Variants in NRG1 observed in about 807,000 individuals in gnomAD.
The protein encoded by NRG1 is neuregulin 1.
In NRG1, 18 loss-of-function variants were observed where a neutral mutation model predicts 63.8. The observed-to-expected ratio is 0.28, with a 90% confidence interval of 0.19 to 0.42. The LOEUF is 0.42. Among genes scored for constraint, NRG1 ranks in the 10% least tolerant of loss-of-function variants. NRG1 has a pLI of 1.00. For synonymous variants in NRG1, 302 were observed against 301.3 expected, an observed-to-expected ratio of 1.00 and a Z score of -0.02; for missense variants, 762 against 814.7, an observed-to-expected ratio of 0.94 and a Z score of 0.79.
chr8:32,734,852 A>G (rs1003822743), intron 6 of NRG1, among the ~76,000 whole-genome samples: 1 of 152,236 alleles, frequency 6.6e-6, no homozygotes, highest in Non-Finnish European at 1.5e-5. Context: ...TCAGTTGAGC[A>G]GCCATGTACA....
At chr8:31,943,424 G>T (rs1802058620) in intron 1 of NRG1, among the ~76,000 whole-genome samples, 1 of 152,000 alleles carries the variant, frequency 6.6e-6, no homozygotes, top group Non-Finnish European at 1.5e-5. Context: ...AATATTCACT[G>T]GGTACAGTGT....
In NRG1 at chr8:32,614,689, A is replaced by G. The variant is rs984816091; in HGVS notation, c.451+125A>G. On this transcript the variant is annotated intron_variant, in intron 4 of 11. Coordinates refer to ENST00000356819, the Ensembl canonical transcript of NRG1. ...CTCAGCTGCTCTTGTTTTCTGCTTC[A>G]ATATTTTTCTCAACCTTGTTCTGTC... 3 of 846,404 alleles carry G rather than the reference A, an allele frequency of 3.5e-6. No individual in the cohort carries two copies. In the Admixed American group the frequency reaches 6.7e-5, roughly 19 times the overall value. The allele number at this position is 846,404 out of a possible 1,614,324, so 52.4% of individuals were successfully genotyped here. A position where few individuals can be genotyped will look rare whatever the true frequency, so the allele number is the denominator to read the frequency against.
intron 1 of NRG1, among the ~76,000 whole-genome samples, chr8:32,404,293 G>A (rs1205160442): frequency 6.9e-6 from 1 of 145,658 alleles, no homozygotes; most frequent in African/African-American, 2.5e-5. Flanking sequence ...AATCAGGGAA[G>A]GAGGAACCAT....
chr8:31,982,446 C>G (rs990496449), intron 1 of NRG1, among the ~76,000 whole-genome samples: 1 of 151,946 alleles, frequency 6.6e-6, no homozygotes, highest in South Asian at 2.1e-4. Context: ...GGATGAGGAA[C>G]CCAGAAGATA....
intron 1 of NRG1, among the ~76,000 whole-genome samples, chr8:31,798,787 C>T (rs1055799558): frequency 6.6e-6 from 1 of 151,954 alleles, no homozygotes; most frequent in Non-Finnish European, 1.5e-5. Flanking sequence ...ATTGAGAATC[C>T]AGACACAGAT....
At chr8:32,131,323 T>C (rs1834793538) in intron 1 of NRG1, among the ~76,000 whole-genome samples, 1 of 151,988 alleles carries the variant, frequency 6.6e-6, no homozygotes. Context: ...CAGACTAAAA[T>C]GAAGTAGACT....
chr8:32,031,881 T>G (rs1358185605), intron 1 of NRG1, among the ~76,000 whole-genome samples: 1 of 152,162 alleles, frequency 6.6e-6, no homozygotes, highest in Admixed American at 6.5e-5. Context: ...TTTGGGTGGA[T>G]TCCATGTCTT....
In NRG1 at chr8:31,819,380, G is replaced by C. The variant is rs1823786431; in HGVS notation, c.37+179949G>C. 2.0e-5 allele frequency among the ~76,000 whole-genome samples: 3 copies of C among 152,286 alleles called. No homozygotes were observed. In the South Asian group the frequency reaches 6.2e-4, roughly 32 times the overall value. ...AAACTCCTAGACTCTGTATGGTATA[G>C]GAGTTCAACACTATAGGTTGGTCTA... is the stretch of plus-strand genomic sequence containing the variant. On this transcript the variant is annotated intron_variant, in intron 1 of 10. Coordinates refer to the NRG1 transcript ENST00000519301.
At chr8:32,459,089 G>A (rs1430883571) in intron 1 of NRG1, among the ~76,000 whole-genome samples, 1 of 152,162 alleles carries the variant, frequency 6.6e-6, no homozygotes, top group Admixed American at 6.5e-5. Context: ...AGACTCGTAG[G>A]TCCAACTGAC....
intron 1 of NRG1, among the ~76,000 whole-genome samples, chr8:31,990,162 G>A (rs1229249153): frequency 1.3e-5 from 2 of 152,048 alleles, no homozygotes; most frequent in African/African-American, 4.8e-5. Context: ...TTACATATGG[G>A]AAAATGGAAA....
chr8:31,728,267 C>G (rs968169128), intron 1 of NRG1, among the ~76,000 whole-genome samples: 1 of 151,986 alleles, frequency 6.6e-6, no homozygotes, highest in African/African-American at 2.4e-5. Context: ...AGTTTGAGAC[C>G]AGCCTGGCCA....
At chr8:32,176,987 C>G (rs1008379771) in intron 1 of NRG1, among the ~76,000 whole-genome samples, 1 of 152,088 alleles carries the variant, frequency 6.6e-6, no homozygotes, top group African/African-American at 2.4e-5. Context: ...GGTATATTCC[C>G]AAAGGATTAT....
intron 1 of NRG1, among the ~76,000 whole-genome samples, chr8:31,781,185 A>G (rs572159552): frequency 6.6e-6 from 1 of 152,252 alleles, no homozygotes; most frequent in African/African-American, 2.4e-5. Context: ...GATGAAGAAG[A>G]GGAAATAGTT....
chr8:32,381,350 C>G (rs964473253), intron 1 of NRG1, among the ~76,000 whole-genome samples: 1 of 152,146 alleles, frequency 6.6e-6, no homozygotes, highest in African/African-American at 2.4e-5. Context: ...CACATCCACT[C>G]TCCTGAGCAC....
intron 1 of NRG1, among the ~76,000 whole-genome samples, chr8:32,124,563 C>G (rs1247941250): frequency 6.6e-6 from 1 of 151,892 alleles, no homozygotes; most frequent in Admixed American, 6.6e-5. Context: ...AATCACATGT[C>G]AGGAAGGTAT....
intron 5 of NRG1, among the ~76,000 whole-genome samples, chr8:32,618,076 T>G (rs1410313897): frequency 2.0e-5 from 3 of 152,170 alleles, no homozygotes; most frequent in African/African-American, 7.2e-5. Flanking sequence ...AGGGCTCTCA[T>G]CATATCCTCC....
chr8:31,855,483 T>C (rs1827761507), intron 1 of NRG1, among the ~76,000 whole-genome samples: 1 of 152,170 alleles, frequency 6.6e-6, no homozygotes, highest in East Asian at 1.9e-4. Context: ...TCCTCCATCC[T>C]TTTATTTTGA....
At chr8:32,229,396 A>G (rs1220960576) in intron 1 of NRG1, among the ~76,000 whole-genome samples, 3 of 152,176 alleles carry the variant, frequency 2.0e-5, no homozygotes, top group African/African-American at 7.2e-5. Flanking sequence ...TGATTGGGCA[A>G]GATGAACGAG....
At chr8:32,475,673 G>A (rs140757398) in intron 1 of NRG1, among the ~76,000 whole-genome samples, 1 of 152,036 alleles carries the variant, frequency 6.6e-6, no homozygotes, top group East Asian at 2.0e-4. Flanking sequence ...CACCTACCAA[G>A]TAGCTGAGAC....
Sources: allele counts gnomAD v4.1 joint callset (sites outside exome capture counted in the v4.1 genomes callset), GRCh38; gene constraint gnomAD v4.1.1; transcripts MANE v1.5; gene names NCBI Gene and HGNC (gene_info 2026-07-23, HGNC 2026-07-21).